Variants in HDX observed in about 807,000 individuals in gnomAD.
The protein encoded by HDX is highly divergent homeobox, also known as chromosome X open reading frame 43.
A neutral mutation model predicts 45.2 loss-of-function variants in HDX; 19 were observed. The ratio of observed to expected loss-of-function variants is 0.42; its 90% CI spans 0.29 to 0.62. HDX has a LOEUF of 0.62. Ranked by LOEUF, HDX falls within the 20% of genes least tolerant of loss-of-function variation. The probability of loss-of-function intolerance (pLI) is 0.20; values close to 1 mark genes in which losing one functional copy is unlikely to be tolerated. For synonymous variants in HDX, 188 were observed against 172.8 expected, an observed-to-expected ratio of 1.09 and a Z score of -0.69; for missense variants, 532 against 493.9, an observed-to-expected ratio of 1.08 and a Z score of -0.73.
intron 6 of HDX, among the ~76,000 whole-genome samples, chrX:84,359,335 G>A (rs1467116751): frequency 9.1e-6 from 1 of 109,744 alleles, no homozygotes; most frequent in Non-Finnish European, 1.9e-5. Context: ...TTTTCCTGTT[G>A]CTCTCCCTTC....
At chrX:84,429,184 A>G (rs186491517) in intron 5 of HDX, among the ~76,000 whole-genome samples, 28 of 110,653 alleles carry the variant, frequency 2.5e-4, no homozygotes, top group African/African-American at 9.1e-4. Flanking sequence ...TAATTACCAT[A>G]TAAGTTTTAA....
intron 6 of HDX, among the ~76,000 whole-genome samples, chrX:84,346,196 G>A (rs984606120): frequency 9.0e-5 from 10 of 111,043 alleles, no homozygotes; most frequent in Admixed American, 1.9e-4. Context: ...GTTAAACACA[G>A]TTTAACATGG....
At chrX:84,349,517 G>A (rs1203686280) in intron 6 of HDX, among the ~76,000 whole-genome samples, 1 of 95,294 alleles carries the variant, frequency 1.0e-5, no homozygotes, top group African/African-American at 3.9e-5. Context: ...ATGTATAAAT[G>A]TGTGTGTGTA....
chrX:84,382,015 A>T (rs1018198488), intron 5 of HDX, among the ~76,000 whole-genome samples: 4 of 111,845 alleles, frequency 3.6e-5, no homozygotes, highest in Admixed American at 9.5e-5. Context: ...AAAATCTAAT[A>T]ATCCAATTAA....
intron 5 of HDX, among the ~76,000 whole-genome samples, chrX:84,409,734 G>T (rs1164617397): frequency 2.9e-5 from 2 of 70,009 alleles, no homozygotes; most frequent in African/African-American, 5.4e-5. Flanking sequence ...GGGGTGGGGG[G>T]AGGGGGAGGG....
intron 6 of HDX, among the ~76,000 whole-genome samples, chrX:84,359,270 T>A (rs1008272462): frequency 5.4e-5 from 6 of 110,205 alleles, no homozygotes; most frequent in Non-Finnish European, 1.1e-4. Context: ...GTGGAAGGGG[T>A]TTGCTGCACT....
chrX:84,489,300 G>C (rs1418500276), intron 1 of HDX, among the ~76,000 whole-genome samples: 1 of 112,079 alleles, frequency 8.9e-6, no homozygotes, highest in African/African-American at 3.2e-5. Flanking sequence ...ACATATGGTT[G>C]TGGTGAAGTA....
intron 5 of HDX, among the ~76,000 whole-genome samples, chrX:84,432,567 T>C (rs1386090862): frequency 9.0e-6 from 1 of 111,666 alleles, no homozygotes; most frequent in East Asian, 2.8e-4. Context: ...AGCTGTATTC[T>C]TAGGTTTTTT....
At chrX:84,371,755 C>A (rs1319038982) in intron 5 of HDX, among the ~76,000 whole-genome samples, 2 of 111,407 alleles carry the variant, frequency 1.8e-5, no homozygotes, top group Admixed American at 9.6e-5. Flanking sequence ...TGCTTATTGC[C>A]TATTTTTATG....
chrX:84,332,411 G>A (rs1042629172), intron 9 of HDX, among the ~76,000 whole-genome samples: 3 of 111,059 alleles, frequency 2.7e-5, no homozygotes, highest in African/African-American at 6.5e-5. Flanking sequence ...TTGAGAGTTC[G>A]GTGAAAATAT....
At chrX:84,332,554 C>T (rs2036867263) in intron 9 of HDX, among the ~76,000 whole-genome samples, 1 of 110,939 alleles carries the variant, frequency 9.0e-6, no homozygotes, top group Non-Finnish European at 1.9e-5. Context: ...GCCCAACCCT[C>T]TTTGACATAT....
rs1444145020 is a variant in HDX at position 84,469,251 on chromosome X, G to C, written c.472C>G (p.Gln158Glu). 4 of 1,209,729 alleles carry C rather than the reference G, an allele frequency of 3.3e-6. No homozygotes were observed. The South Asian group carries it at 5.3e-5, about 16-fold the overall frequency. Reference protein sequence around the residue: ...EFQLHIPVQRQVAHCKNASLL... With the variant: ...EFQLHIPVQREVAHCKNASLL... ...GAAGCATTTTTACAGTGTGCTACTT[G>C]TCTTTGGACAGGAATGTGTAACTGA... The change falls in exon 4 of 11, where the codon CAA becomes GAA. Residue 158 changes from glutamine to glutamate, a missense_variant. Around this residue, in one of 3 missense-constraint regions of HDX, gnomAD observed 376 missense variants for 343.7 expected, o/e 1.09. Coordinates refer to ENST00000373177, the MANE Select transcript of HDX (RefSeq NM_001177479.2).
chrX:84,454,859 C>T (rs763161127), intron 4 of HDX, among the ~76,000 whole-genome samples: 95 of 110,808 alleles, frequency 8.6e-4, no homozygotes, highest in Non-Finnish European at 1.5e-3. Context: ...CAGTTCCAGG[C>T]GGCTCAGCAC....
At chrX:84,481,114 A>G (rs761742611) in intron 2 of HDX, among the ~76,000 whole-genome samples, 13 of 111,533 alleles carry the variant, frequency 1.2e-4, no homozygotes, top group Middle Eastern at 4.7e-3. Context: ...ACTCAAAGGT[A>G]TAAGGTTGTT....
At chrX:84,440,002 TACAC>T (rs1302385111) in intron 5 of HDX, 1 of 111,808 alleles carries the variant, frequency 8.9e-6, no homozygotes, top group African/African-American at 3.2e-5. Flanking sequence ...TTATTGGTCT[TACAC>T]ACAAAAATGA....
At chrX:84,393,943 T>C (rs1384245218) in intron 5 of HDX, among the ~76,000 whole-genome samples, 2 of 8,968 alleles carry the variant, frequency 2.2e-4, no homozygotes, top group Middle Eastern at 0.091. Context: ...ATTTTGTTCA[T>C]CTTTTCAAAA....
intron 5 of HDX, among the ~76,000 whole-genome samples, chrX:84,372,078 C>T (rs985965858): frequency 1.8e-5 from 2 of 111,564 alleles, no homozygotes; most frequent in East Asian, 2.8e-4. Context: ...TAGATGTCTT[C>T]GAATGGCCAG....
intron 5 of HDX, among the ~76,000 whole-genome samples, chrX:84,361,820 T>C (rs924446714): frequency 1.8e-5 from 2 of 111,895 alleles, no homozygotes; most frequent in Admixed American, 1.9e-4. Flanking sequence ...AGGAAATGCA[T>C]AGAATTTTTG....
intron 5 of HDX, among the ~76,000 whole-genome samples, chrX:84,380,041 A>G (rs1569306076): frequency 9.0e-6 from 1 of 111,430 alleles, no homozygotes; most frequent in Non-Finnish European, 1.9e-5. Flanking sequence ...AAGACAGTAC[A>G]ACTCATACTG....
Sources: allele counts gnomAD v4.1 joint callset (sites outside exome capture counted in the v4.1 genomes callset), GRCh38; gene constraint gnomAD v4.1.1; regional missense constraint gnomAD v4.1.1; transcripts MANE v1.5; gene names NCBI Gene and HGNC (gene_info 2026-07-23, HGNC 2026-07-21).